Variants in UCHL5 observed in about 807,000 individuals in gnomAD.
UCHL5 encodes ubiquitin carboxyl-terminal hydrolase isozyme L5.
A neutral mutation model predicts 53.8 loss-of-function variants in UCHL5; 34 were observed. The observed-to-expected ratio is 0.63, with a 90% CI of 0.48 to 0.84. The LOEUF is 0.84. UCHL5 is among the 40% of genes least tolerant of loss of function. UCHL5 has a pLI of 0.00. For missense variants in UCHL5, 290 were observed against 385.6 expected (o/e 0.75, Z 2.08); for synonymous variants, 111 against 126.3 (o/e 0.88, Z 0.81).
At chr1:193,041,234 T>G (rs1299794708) in intron 3 of UCHL5, among the ~76,000 whole-genome samples, 1 of 152,202 alleles carries the variant, frequency 6.6e-6, no homozygotes, top group Admixed American at 6.5e-5. Flanking sequence ...AGGTATTAAA[T>G]TATCACATGT....
intron 10 of UCHL5, chr1:193,020,461 G>C: frequency 6.5e-7 from 1 of 1,534,878 alleles, no homozygotes; most frequent in African/African-American, 1.4e-5. Context: ...GAATATCTGG[G>C]GAGGGGCCAG....
intron 7 of UCHL5, 83 bp from the exon 8 acceptor site, chr1:193,024,029 C>T: frequency 1.0e-6 from 1 of 981,474 alleles, no homozygotes; most frequent in Non-Finnish European, 1.5e-6. Context: ...TGATTCCCCT[C>T]TTGATTTTCT....
chr1:193,019,669 A>G (rs991075227), intron 10 of UCHL5, among the ~76,000 whole-genome samples: 1 of 151,722 alleles, frequency 6.6e-6, no homozygotes, highest in Non-Finnish European at 1.5e-5. Context: ...GAACTAAGGA[A>G]TAATTATTCT....
intron 1 of UCHL5, among the ~76,000 whole-genome samples, chr1:193,053,635 T>A (rs1390121878): frequency 6.6e-6 from 1 of 152,186 alleles, no homozygotes; most frequent in Non-Finnish European, 1.5e-5. Context: ...ACTTGCACCA[T>A]GCATATATAA....
intron 3 of UCHL5, among the ~76,000 whole-genome samples, chr1:193,040,792 C>T (rs1665301344): frequency 6.6e-6 from 1 of 152,026 alleles, no homozygotes; most frequent in Non-Finnish European, 1.5e-5. Flanking sequence ...TATATACATA[C>T]AATGTGAGAT....
At position 193,023,947 on chromosome 1, in the gene UCHL5, C is replaced by G; in HGVS notation, c.630-1G>C. The G allele has an allele frequency of 6.3e-7, 1 of 1,586,332 alleles. No homozygotes were observed. The highest frequency in any genetic ancestry group is 1.1e-5 in the South Asian group (1 of 88,584). The stretch of plus-strand genomic sequence containing the variant: ...AAATCGAATTTCACCTTCACTGTAC[C>G]TAGAAGAAAATTATTTAAGTTTATA... On this transcript the variant is annotated splice_acceptor_variant, in intron 7 of 10. Coordinates refer to ENST00000367454, the MANE Select transcript of UCHL5 (RefSeq NM_001199261.3). LOFTEE classifies it high-confidence loss of function.
At chr1:193,021,666 C>G (rs1297787615) in intron 9 of UCHL5, among the ~76,000 whole-genome samples, 1 of 152,144 alleles carries the variant, frequency 6.6e-6, no homozygotes, top group Admixed American at 6.5e-5. Context: ...AGATAACATC[C>G]TCTCAAGTTA....
intron 10 of UCHL5, among the ~76,000 whole-genome samples, chr1:193,016,628 T>C (rs1329229430): frequency 6.6e-6 from 1 of 151,858 alleles, no homozygotes; most frequent in Non-Finnish European, 1.5e-5. Context: ...AGTTCTTTCC[T>C]ATCTGAAGGT....
intron 1 of UCHL5, among the ~76,000 whole-genome samples, chr1:193,052,741 T>C (rs2102878412): frequency 6.6e-6 from 1 of 152,320 alleles, no homozygotes; most frequent in East Asian, 1.9e-4. Flanking sequence ...CAGCACACTT[T>C]AAGGGTCCAC....
At chr1:193,040,523 C>T (rs575151148) in intron 3 of UCHL5, among the ~76,000 whole-genome samples, 1 of 152,190 alleles carries the variant, frequency 6.6e-6, no homozygotes, top group South Asian at 2.1e-4. Context: ...GAAAGGGGAA[C>T]CCTCATAAAC....
chr1:193,044,335 C>T (rs1234433222), intron 3 of UCHL5, among the ~76,000 whole-genome samples: 2 of 152,098 alleles, frequency 1.3e-5, no homozygotes, highest in Non-Finnish European at 2.9e-5. Context: ...AAAGACTGAA[C>T]ACATGGAGTC....
chr1:193,041,347 AATAC>A (rs1166370980), intron 3 of UCHL5, among the ~76,000 whole-genome samples: 14 of 152,314 alleles, frequency 9.2e-5, no homozygotes, highest in African/African-American at 3.1e-4. Flanking sequence ...TCACAGAGGA[AATAC>A]ATATGGCCAC....
chr1:193,037,088 T>C (rs1449697094), intron 3 of UCHL5, among the ~76,000 whole-genome samples: 1 of 151,022 alleles, frequency 6.6e-6, no homozygotes, highest in East Asian at 1.9e-4. Flanking sequence ...CCCAAGGAAC[T>C]AGAAAAGCAG....
chr1:193,044,324 G>A (rs936960787), intron 3 of UCHL5, among the ~76,000 whole-genome samples: 2 of 152,084 alleles, frequency 1.3e-5, no homozygotes, highest in African/African-American at 4.8e-5. Context: ...ATTCTTTCCT[G>A]AAAGACTGAA....
intron 10 of UCHL5, chr1:193,018,453 G>A: frequency 1.3e-6 from 1 of 767,982 alleles, no homozygotes; most frequent in Non-Finnish European, 1.6e-6. Context: ...AAGAGATTTG[G>A]TACATAATAC....
At chr1:193,033,149 T>G (rs12754506) in intron 3 of UCHL5, among the ~76,000 whole-genome samples, 1 of 152,058 alleles carries the variant, frequency 6.6e-6, no homozygotes, top group African/African-American at 2.4e-5. Context: ...AATGATAGAC[T>G]GGAAAAAGGA....
At chr1:193,049,329 G>A (rs765608862) in intron 3 of UCHL5, among the ~76,000 whole-genome samples, 22 of 152,130 alleles carry the variant, frequency 1.4e-4, no homozygotes, top group Admixed American at 2.6e-4. Context: ...CAGGAGAACG[G>A]CTTGAACCTG....
At chr1:193,017,098 T>A (rs1483831677) in intron 10 of UCHL5, among the ~76,000 whole-genome samples, 1 of 151,766 alleles carries the variant, frequency 6.6e-6, no homozygotes, top group East Asian at 1.9e-4. Flanking sequence ...TATATACCAA[T>A]GACTTAGAGA....
At chr1:193,048,058 C>T (rs543742617) in intron 3 of UCHL5, among the ~76,000 whole-genome samples, 157 of 152,170 alleles carry the variant, frequency 1.0e-3, no homozygotes, top group Middle Eastern at 3.4e-3. Context: ...CTGCTGTATA[C>T]CAAGATATGC....
Sources: allele counts gnomAD v4.1 joint callset (sites outside exome capture counted in the v4.1 genomes callset), GRCh38; gene constraint gnomAD v4.1.1; transcripts MANE v1.5; gene names NCBI Gene and HGNC (gene_info 2026-07-23, HGNC 2026-07-21).